NTRK3: variants seen among roughly 807,000 people sequenced by gnomAD.
NTRK3 encodes the protein neurotrophic receptor tyrosine kinase 3.
Under a neutral mutation model 91.7 loss-of-function variants are expected in NTRK3, and 24 were observed. The observed-to-expected ratio is 0.26, with a 90% CI of 0.19 to 0.37. NTRK3 has a LOEUF of 0.37. Ranked by LOEUF, NTRK3 falls within the 10% of genes least tolerant of loss-of-function variation. The probability of loss-of-function intolerance (pLI) is 1.00; values close to 1 mark genes in which losing one functional copy is unlikely to be tolerated. For synonymous variants in NTRK3, 483 were observed against 404.0 expected (o/e 1.20, Z -2.34); for missense variants, 880 against 1,068.9 (o/e 0.82, Z 2.46).
At chr15:87,921,211 T>C (rs757831671) in intron 17 of NTRK3, among the ~76,000 whole-genome samples, 5 of 152,150 alleles carry the variant, frequency 3.3e-5, no homozygotes, top group Non-Finnish European at 5.9e-5. Context: ...AATAGGACGA[T>C]GGTTAAAGAA....
exon 19 of NTRK3, chr15:87,866,510 G>A (rs2064683067): frequency 5.9e-6 from 1 of 168,168 alleles, no homozygotes; most frequent in Non-Finnish European, 1.3e-5. Context: ...TATATACATG[G>A]GATTATTTTA....
At chr15:88,024,540 GGCCAAGACGAC>G (rs2077865940) in intron 14 of NTRK3, among the ~76,000 whole-genome samples, 1 of 152,224 alleles carries the variant, frequency 6.6e-6, no homozygotes, top group African/African-American at 2.4e-5. Context: ...GAGAGTGAGG[GGCCAAGACGAC>G]GCCAAGACAG....
chr15:88,111,336 G>A (rs894253364), intron 13 of NTRK3, among the ~76,000 whole-genome samples: 1 of 152,218 alleles, frequency 6.6e-6, no homozygotes, highest in African/African-American at 2.4e-5. Context: ...TCCTTGGAGA[G>A]AGAGAAAGAC....
At chr15:88,208,102 G>T (rs1424621750) in intron 3 of NTRK3, among the ~76,000 whole-genome samples, 1 of 152,124 alleles carries the variant, frequency 6.6e-6, no homozygotes, top group Non-Finnish European at 1.5e-5. Context: ...CCTCCAGCAT[G>T]CCTGGATCAT....
intron 14 of NTRK3, among the ~76,000 whole-genome samples, chr15:87,976,807 C>T (rs2073760019): frequency 6.6e-6 from 1 of 152,290 alleles, no homozygotes; most frequent in Middle Eastern, 3.4e-3. Context: ...GCCCAAAGCC[C>T]CGTCTTTCCT....
intron 14 of NTRK3, among the ~76,000 whole-genome samples, chr15:87,989,032 G>C (rs906314588): frequency 2.1e-4 from 32 of 152,020 alleles, no homozygotes; most frequent in African/African-American, 7.5e-4. Context: ...TGGAGAAATA[G>C]GAATACTTTT....
At chr15:88,017,303 C>G (rs1289745670) in intron 14 of NTRK3, among the ~76,000 whole-genome samples, 1 of 152,164 alleles carries the variant, frequency 6.6e-6, no homozygotes, top group Non-Finnish European at 1.5e-5. Context: ...ACCAGGAACC[C>G]TTCATACAGC....
At chr15:88,192,221 T>C (rs2151683429) in intron 3 of NTRK3, among the ~76,000 whole-genome samples, 1 of 152,246 alleles carries the variant, frequency 6.6e-6, no homozygotes, top group Non-Finnish European at 1.5e-5. Flanking sequence ...CAGGAAAAGA[T>C]CAAGGGCACA....
Position 88,074,896 on chromosome 15 carries a change from C to A in NTRK3, c.1397-41851G>T, listed in dbSNP as rs573230556. ...ATCTGTAAAATGGGAATAAAATAAT[C>A]ACCTATGATAGTTATTGGAATCAAG... On this transcript the variant is annotated intron_variant, in intron 13 of 18. Coordinates refer to ENST00000394480, the Ensembl canonical transcript of NTRK3. 2.6e-5 allele frequency among the ~76,000 whole-genome samples: 4 copies of A among 152,250 alleles called. No individual in the cohort carries two copies. In the East Asian group the frequency reaches 7.7e-4, roughly 29 times the overall value.
intron 8 of NTRK3, 55 bp downstream of exon 8, chr15:88,136,412 C>T (rs1328353448): frequency 1.2e-6 from 2 of 1,612,420 alleles, no homozygotes; most frequent in African/African-American, 1.3e-5. Flanking sequence ...TTCTTCAAGA[C>T]TACAGTGTGA....
intron 14 of NTRK3, among the ~76,000 whole-genome samples, chr15:88,007,477 A>G (rs1270106078): frequency 6.6e-6 from 1 of 152,200 alleles, no homozygotes; most frequent in African/African-American, 2.4e-5. Flanking sequence ...GACACTCTGG[A>G]AAGAGTGACT....
Position 88,136,617 on chromosome 15 carries a change from C to T in NTRK3, c.623-8G>A, listed in dbSNP as rs2151212843. The stretch of plus-strand genomic sequence containing the variant: ...CGCTGATCTCAGGAAGGTCTGGGAG[C>T]CAGACAAAGTGGGTGAAAAGACAGG... On this transcript the variant is annotated splice_polypyrimidine_tract_variant and splice_region_variant and intron_variant, in intron 7 of 18. Coordinates refer to ENST00000394480, the Ensembl canonical transcript of NTRK3. 1 of 1,611,378 alleles carries T rather than the reference C, an allele frequency of 6.2e-7. No individual in the cohort carries two copies.
At chr15:87,868,912 G>A (rs1017412) in exon 19 of NTRK3, 148,506 of 225,494 alleles carry the variant, frequency 0.66, 49,206 homozygotes, top group East Asian at 0.71. Flanking sequence ...TTCAGAATCC[G>A]TCTGTCCGGC....
At chr15:87,928,694 C>A (rs2068535933) in intron 17 of NTRK3, 3 of 202,154 alleles carry the variant, frequency 1.5e-5, no homozygotes, top group African/African-American at 7.0e-5. Flanking sequence ...ATCTTTGTTA[C>A]TTTACTTAGG....
At position 88,227,178 on chromosome 15, in the gene NTRK3, G is replaced by A. The variant is rs190346588; in HGVS notation, c.248+28728C>T. On this transcript the variant is annotated intron_variant, in intron 3 of 18. Transcript: ENST00000394480. ...CTCCATGCCCTGCATCCTCCCCGTC[G>A]GGTCTCTCCTGCTCCTTCAGGCTCT... Among the ~76,000 whole-genome samples the A allele has an allele frequency of 3.2e-3, 493 of 152,086 alleles. 7 individuals carry two copies. The highest frequency in any genetic ancestry group is 0.021 in the East Asian group (110 of 5,174).
intron 6 of NTRK3, among the ~76,000 whole-genome samples, chr15:88,141,735 C>G (rs1385923181): frequency 2.0e-5 from 3 of 152,182 alleles, no homozygotes; most frequent in Non-Finnish European, 4.4e-5. Flanking sequence ...CATCTCATGG[C>G]CCCCCAAAGG....
At chr15:87,943,363 C>T (rs971707371) in intron 14 of NTRK3, among the ~76,000 whole-genome samples, 5 of 152,118 alleles carry the variant, frequency 3.3e-5, no homozygotes, top group African/African-American at 1.2e-4. Flanking sequence ...GCTCAAAGGT[C>T]CTCCTTCCCT....
chr15:88,090,746 C>A (rs1188806275), intron 13 of NTRK3, among the ~76,000 whole-genome samples: 1 of 152,172 alleles, frequency 6.6e-6, no homozygotes, highest in Non-Finnish European at 1.5e-5. Flanking sequence ...CAACCCCTGA[C>A]CCACTCTTAA....
chr15:87,877,129 G>A lies in NTRK3; in HGVS notation c.2293-9C>T. ...GTAATGCACTCAATGACCTGAAAGA[G>A]TGAGAAGAACAAGGAAGTTACACCC... On this transcript the variant is annotated splice_polypyrimidine_tract_variant and intron_variant, in intron 18 of 18. Transcript: ENST00000394480. 1.2e-6 allele frequency: 2 copies of A among 1,613,836 alleles called. No homozygotes were observed. Among genetic ancestry groups the A allele is most frequent in the Non-Finnish European group, 1.7e-6 (2 of 1,179,918 alleles).
Sources: allele counts gnomAD v4.1 joint callset (sites outside exome capture counted in the v4.1 genomes callset), GRCh38; gene constraint gnomAD v4.1.1; transcripts MANE v1.5; gene names NCBI Gene and HGNC (gene_info 2026-07-23, HGNC 2026-07-21).